BCKDK: variants seen among roughly 807,000 people sequenced by gnomAD.
BCKDK encodes the protein branched chain keto acid dehydrogenase kinase.
A neutral mutation model predicts 43.9 loss-of-function variants in BCKDK; 28 were observed. That is an observed-to-expected ratio of 0.64 (90% CI 0.47 to 0.87). The LOEUF (loss-of-function observed/expected upper bound fraction) is 0.87. BCKDK is among the 40% of genes least tolerant of loss of function. BCKDK has a pLI of 0.00. For synonymous variants in BCKDK, 257 were observed against 234.3 expected (o/e 1.10, Z -0.88); for missense variants, 483 against 581.4 (o/e 0.83, Z 1.74).
rs2057386459 is a variant in BCKDK at position 31,109,051 on chromosome 16, G to A, written c.-173G>A. 2 of 547,690 alleles carry A rather than the reference G, an allele frequency of 3.7e-6. No homozygotes were observed. The highest frequency in any genetic ancestry group is 6.2e-6 in the Non-Finnish European group (2 of 321,016). 33.9% of individuals were successfully genotyped at this position (547,690 alleles called of 1,614,324 possible). A position where few individuals can be genotyped will look rare whatever the true frequency, so the allele number is the denominator to read the frequency against. ...TCCTCTTCCCCGCCCCGGTAGATGGGAGCTGCTCTCCGCGGGCTGAGCCTG... is the reference window on the plus strand; with the variant it reads ...TCCTCTTCCCCGCCCCGGTAGATGGAAGCTGCTCTCCGCGGGCTGAGCCTG... On this transcript the variant is annotated 5_prime_UTR_variant, in exon 2 of 12. Coordinates refer to ENST00000219794, the MANE Select transcript of BCKDK (RefSeq NM_005881.4). This position sits in a 1 kb window ranked among gnomAD's most constrained non-coding sequence, Gnocchi z 5.3.
chr16:31,116,305 C>T (rs556341121), downstream of BCKDK, among the ~76,000 whole-genome samples: 81 of 150,818 alleles, frequency 5.4e-4, no homozygotes, highest in African/African-American at 1.9e-3. Context: ...CTCCGCCTCC[C>T]GGGTTCAAGC....
At position 31,110,199 on chromosome 16, in the gene BCKDK, C is replaced by T; in HGVS notation, c.424-6C>T. 1 of 1,614,132 alleles carries T rather than the reference C, an allele frequency of 6.2e-7. No homozygotes were observed. ...CCACCCTTCCTCATGACTCTGTGACCTGCAGATCAAGGACCAGGCGGACGA... is the reference window on the plus strand; with the variant it reads ...CCACCCTTCCTCATGACTCTGTGACTTGCAGATCAAGGACCAGGCGGACGA... On this transcript the variant is annotated splice_polypyrimidine_tract_variant and splice_region_variant and intron_variant, in intron 5 of 11. Transcript: ENST00000219794. The surrounding 1 kb of genome is among the most constrained non-coding windows in gnomAD (Gnocchi z 5.4).
downstream of BCKDK, among the ~76,000 whole-genome samples, chr16:31,115,540 T>C (rs554891986): frequency 1.9e-4 from 28 of 149,068 alleles, no homozygotes; most frequent in South Asian, 6.3e-4. Context: ...CTTTCCCCCC[T>C]TTTTTTTTGA....
At chr16:31,111,059 G>A in intron 8 of BCKDK, 32 bp from the exon 9 acceptor site, 1 of 1,611,418 alleles carries the variant, frequency 6.2e-7, no homozygotes, top group Non-Finnish European at 8.5e-7. Flanking sequence ...TGGTGGAGGG[G>A]CCCCTGACTG....
downstream of BCKDK, among the ~76,000 whole-genome samples, chr16:31,114,404 G>A (rs1405154357): frequency 6.6e-6 from 1 of 151,452 alleles, no homozygotes; most frequent in Non-Finnish European, 1.5e-5. Context: ...GTAGAGATGG[G>A]GTTTCACCAC....
downstream of BCKDK, among the ~76,000 whole-genome samples, chr16:31,116,515 G>T (rs1038937731): frequency 6.6e-6 from 1 of 151,866 alleles, no homozygotes; most frequent in South Asian, 2.1e-4. Flanking sequence ...CCTTTCTTTA[G>T]ACTTTATCCT....
downstream of BCKDK, chr16:31,115,708 A>G (rs556783275): frequency 5.3e-5 from 8 of 149,868 alleles, no homozygotes; most frequent in African/African-American, 1.7e-4. Context: ...TTTTTCCCCC[A>G]AATTTTTAGT....
chr16:31,110,119 C>T lies in BCKDK; in HGVS notation c.418C>T (p.Pro140Ser). 2 of 1,614,186 alleles carry T rather than the reference C, an allele frequency of 1.2e-6. No individual in the cohort carries two copies. The highest frequency in any genetic ancestry group is 1.7e-6 in the Non-Finnish European group (2 of 1,180,036). Residue 140 changes from proline (P) to serine (S), a missense_variant, in exon 5 of 12, where the codon CCT becomes TCT. By Grantham distance (74) the Pro-to-Ser change is moderately conservative. Transcript: ENST00000219794. This position sits in a 1 kb window ranked among gnomAD's most constrained non-coding sequence, Gnocchi z 5.4. ...IRAFQKLTDF[P>S]PIKDQADEAQ... The stretch of plus-strand genomic sequence containing the variant: ...TGCCTTCCAGAAGCTGACAGACTTC[C>T]CTCCGGTGAGTGCTGGGCCAGAGCA...
chr16:31,112,327 G>A lies in BCKDK; in HGVS notation c.*62G>A, dbSNP rs530965915. The stretch of plus-strand genomic sequence containing the variant: ...GGCCGCATTCCCTGCAGGACCTCCC[G>A]GGTCAGGCAGGGCGGCCCCCTGCTC... On this transcript the variant is annotated 3_prime_UTR_variant, in exon 12 of 12. Transcript: ENST00000219794. The surrounding 1 kb of genome is among the most constrained non-coding windows in gnomAD (Gnocchi z 5.0). 1.1e-5 allele frequency: 17 copies of A among 1,597,812 alleles called. No homozygotes were observed. Among genetic ancestry groups the A allele is most frequent in the East Asian group, 6.7e-5 (3 of 44,842 alleles).
Position 31,109,911 on chromosome 16 carries a change from C to G in BCKDK, c.375+128C>G. ...GGGCCACACAGGATTCAACCCCAGG[C>G]CTTCAGAAGCCAAAGGTGTGTATTC... On this transcript the variant is annotated intron_variant, in intron 4 of 11. Coordinates refer to ENST00000219794, the MANE Select transcript of BCKDK (RefSeq NM_005881.4). This position sits in a 1 kb window ranked among gnomAD's most constrained non-coding sequence, Gnocchi z 5.3. 7.4e-7 allele frequency: 1 copy of G among 1,351,168 alleles called. No individual in the cohort carries two copies. Among genetic ancestry groups the G allele is most frequent in the Non-Finnish European group, 1.0e-6 (1 of 953,894 alleles). The allele number at this position is 1,351,168 out of a possible 1,614,324, so 83.7% of individuals were successfully genotyped here.
rs538401923 is a variant in BCKDK at position 31,108,813 on chromosome 16, G to A, written c.-177-234G>A. On this transcript the variant is annotated intron_variant, in intron 1 of 11. Transcript: ENST00000219794. The surrounding 1 kb of genome is among the most constrained non-coding windows in gnomAD (Gnocchi z 6.2). The stretch of plus-strand genomic sequence containing the variant: ...TGGGGCGAGGTTTTCGGGCTGGAAG[G>A]GTCTGAGGGGCTCCTCCCCCGACAG... 84 of 156,932 alleles carry A rather than the reference G, an allele frequency of 5.4e-4. No homozygotes were observed. The highest frequency in any genetic ancestry group is 1.0e-3 in the Non-Finnish European group (74 of 71,178). 9.7% of individuals were successfully genotyped at this position (156,932 alleles called of 1,614,324 possible).
chr16:31,111,994 T>G lies in BCKDK; in HGVS notation c.1061T>G (p.Met354Arg). 6.2e-7 allele frequency: 1 copy of G among 1,613,958 alleles called. No homozygotes were observed. Among genetic ancestry groups the G allele is most frequent in the South Asian group, 1.1e-5 (1 of 91,074 alleles). Residue 354 changes from methionine to arginine, a missense_variant, in exon 11 of 12, where the codon ATG (methionine) becomes AGG (arginine). Physicochemically the swap from Met to Arg is moderately conservative, Grantham distance 91. Transcript: ENST00000219794. The stretch of plus-strand genomic sequence containing the variant: ...AGCCCCCTCTTTGGCCATCTGGACA[T>G]GCATAGTGGCGCCCAGTCAGGACCC... The part of the protein sequence containing the change: ...RISPLFGHLD[M>R]HSGAQSGPMH...
Position 31,110,779 on chromosome 16 carries a change from C to T in BCKDK, c.716+18C>T, listed in dbSNP as rs1235449874. 6 of 1,611,732 alleles carry T rather than the reference C, an allele frequency of 3.7e-6. No individual in the cohort carries two copies. Among genetic ancestry groups the T allele is most frequent in the Middle Eastern group, 1.7e-4 (1 of 6,052 alleles). ...TTTGCCAGGTGAGGCAAGAATGGCT[C>T]AGGGGGTGGGCAGACATCTGGGGCA... On this transcript the variant is annotated intron_variant, in intron 8 of 11. Coordinates refer to ENST00000219794, the MANE Select transcript of BCKDK (RefSeq NM_005881.4). This position sits in a 1 kb window ranked among gnomAD's most constrained non-coding sequence, Gnocchi z 5.4.
chr16:31,110,354 G>A lies in BCKDK; in HGVS notation c.543+30G>A, dbSNP rs2057400936. 2 of 1,614,062 alleles carry A rather than the reference G, an allele frequency of 1.2e-6. No individual in the cohort carries two copies. The highest frequency in any genetic ancestry group is 1.7e-6 in the Non-Finnish European group (2 of 1,180,014). ...GGGCAGCAAAGGAGAGGCCGGGCCT[G>A]CTGGGGGTGGGAAGGGCACGGGATT... On this transcript the variant is annotated intron_variant, in intron 6 of 11. Coordinates refer to ENST00000219794, the MANE Select transcript of BCKDK (RefSeq NM_005881.4). The surrounding 1 kb of genome is among the most constrained non-coding windows in gnomAD (Gnocchi z 5.4).
Position 31,110,406 on chromosome 16 carries a change from A to C in BCKDK, c.549A>C (p.Glu183Asp). ...TGAGACCTCACTCTTTACAGGATGA[A>C]AAGCTCGTCCGCTACTTCTTGGACA... is the stretch of plus-strand genomic sequence containing the variant. ...LRESRKHIED[E>D]KLVRYFLDKT... Residue 183 changes from glutamate (E) to aspartate (D), a missense_variant, in exon 7 of 12, where the codon GAA becomes GAC. Physicochemically the swap from Glu to Asp is conservative, Grantham distance 45 (BLOSUM62 2). Coordinates refer to ENST00000219794, the MANE Select transcript of BCKDK (RefSeq NM_005881.4). The surrounding 1 kb of genome is among the most constrained non-coding windows in gnomAD (Gnocchi z 5.4). 1 of 1,613,948 alleles carries C rather than the reference A, an allele frequency of 6.2e-7. No individual in the cohort carries two copies. Among genetic ancestry groups the C allele is most frequent in the Non-Finnish European group, 8.5e-7 (1 of 1,180,012 alleles).
chr16:31,114,326 C>T (rs940761158), downstream of BCKDK, among the ~76,000 whole-genome samples: 4 of 135,862 alleles, frequency 2.9e-5, no homozygotes, highest in African/African-American at 1.1e-4. Context: ...GATTCTCCTG[C>T]CTCAGCCTCC....
In BCKDK at chr16:31,112,438, T is replaced by C. The variant is rs1353191806; in HGVS notation, c.*173T>C. The stretch of plus-strand genomic sequence containing the variant: ...CACTGCCCTGCCTCAACAGGGTCCA[T>C]TGCCTCCTCGCCTCCAGAACTTGGA... On this transcript the variant is annotated 3_prime_UTR_variant, in exon 12 of 12. Coordinates refer to ENST00000219794, the MANE Select transcript of BCKDK (RefSeq NM_005881.4). This position sits in a 1 kb window ranked among gnomAD's most constrained non-coding sequence, Gnocchi z 5.0. 10 of 1,081,894 alleles carry C rather than the reference T, an allele frequency of 9.2e-6. No individual in the cohort carries two copies. The highest frequency in any genetic ancestry group is 3.1e-5 in the African/African-American group (2 of 64,318). 67.0% of individuals were successfully genotyped at this position (1,081,894 alleles called of 1,614,324 possible). A position where few individuals can be genotyped will look rare whatever the true frequency, so the allele number is the denominator to read the frequency against.
chr16:31,111,785 G>A, intron 10 of BCKDK, 84 bp from the exon 11 acceptor site: 2 of 1,547,564 alleles, frequency 1.3e-6, no homozygotes, highest in Non-Finnish European at 1.8e-6. Context: ...GGAACAGGAA[G>A]GCAGACTTTG....
Position 31,110,633 on chromosome 16 carries a change from C to T in BCKDK, c.643-55C>T. The T allele has an allele frequency of 6.2e-7, 1 of 1,601,084 alleles. No homozygotes were observed. The highest frequency in any genetic ancestry group is 8.6e-7 in the Non-Finnish European group (1 of 1,168,444). On this transcript the variant is annotated intron_variant, in intron 7 of 11. Transcript: ENST00000219794. The surrounding 1 kb of genome is among the most constrained non-coding windows in gnomAD (Gnocchi z 5.4). ...TTTGGGGCAGTTCCGAAGTTGCCAG[C>T]ATCTTGGGGTGGGGCTAGGGGCGTG...
Sources: allele counts gnomAD v4.1 joint callset (sites outside exome capture counted in the v4.1 genomes callset), GRCh38; gene constraint gnomAD v4.1.1; non-coding constraint Gnocchi (gnomAD v3.1); transcripts MANE v1.5; gene names NCBI Gene and HGNC (gene_info 2026-07-23, HGNC 2026-07-21).